Variants in KIF6 observed in about 807,000 individuals in gnomAD.
KIF6 encodes the protein kinesin family member 6, also known as kinesin-like protein KIF6.
In KIF6, 106 loss-of-function variants were observed where a neutral mutation model predicts 112.7. That is an observed-to-expected ratio of 0.94 (90% CI 0.80 to 1.11). The LOEUF (loss-of-function observed/expected upper bound fraction) is 1.11, where lower values mean the gene tolerates loss of function less well. Ranked by LOEUF, KIF6 falls within the 50% of genes least tolerant of loss-of-function variation. The pLI is 0.00. For synonymous variants in KIF6, 339 were observed against 339.9 expected (o/e 1.00, Z 0.03); for missense variants, 929 against 964.0 (o/e 0.96, Z 0.48).
chr6:39,625,155 A>T (rs1784027103), intron 5 of KIF6, among the ~76,000 whole-genome samples: 1 of 152,156 alleles, frequency 6.6e-6, no homozygotes, highest in Non-Finnish European at 1.5e-5. Flanking sequence ...AGCCTCCAGA[A>T]CTGTGAGAAG....
chr6:39,365,220 T>G (rs901869611), intron 16 of KIF6, among the ~76,000 whole-genome samples: 5 of 152,202 alleles, frequency 3.3e-5, no homozygotes, highest in African/African-American at 1.2e-4. Context: ...ACCCCCCTTT[T>G]CCTTATGTCA....
intron 3 of KIF6, among the ~76,000 whole-genome samples, chr6:39,653,679 C>A (rs971462761): frequency 3.3e-5 from 5 of 152,118 alleles, no homozygotes; most frequent in African/African-American, 9.7e-5. Context: ...CTGCTGGAAG[C>A]CTCTTAAAAT....
Position 39,578,172 on chromosome 6 carries a change from A to T in KIF6, c.1078-13T>A. ...GGCGTTTAATCACCTACAAATGGCAAAGAGGCAGAGAAAATGTCAACTTCT... is the reference window on the plus strand; with the variant it reads ...GGCGTTTAATCACCTACAAATGGCATAGAGGCAGAGAAAATGTCAACTTCT... On this transcript the variant is annotated splice_polypyrimidine_tract_variant and intron_variant, in intron 9 of 22. Transcript: ENST00000287152. The T allele has an allele frequency of 1.3e-6, 2 of 1,553,624 alleles. No homozygotes were observed.
chr6:39,543,173 A>G (rs1778882182), intron 12 of KIF6, among the ~76,000 whole-genome samples: 1 of 152,198 alleles, frequency 6.6e-6, no homozygotes, highest in East Asian at 1.9e-4. Flanking sequence ...GAAGGGGATT[A>G]AGAAGTTGGT....
chr6:39,616,911 G>A (rs1438909968), intron 5 of KIF6, among the ~76,000 whole-genome samples: 1 of 152,082 alleles, frequency 6.6e-6, no homozygotes. Context: ...TTCCTTTCCT[G>A]GCCCTTTCTT....
intron 5 of KIF6, among the ~76,000 whole-genome samples, chr6:39,625,469 A>C (rs1476299684): frequency 1.3e-5 from 2 of 152,120 alleles, no homozygotes; most frequent in African/African-American, 4.8e-5. Flanking sequence ...AGTAGGACTT[A>C]ACATCACTGG....
intron 16 of KIF6, among the ~76,000 whole-genome samples, chr6:39,364,601 G>A (rs1353565905): frequency 1.3e-5 from 2 of 152,138 alleles, no homozygotes; most frequent in Non-Finnish European, 2.9e-5. Flanking sequence ...CTATATTTTT[G>A]TAGTAGGTGA....
chr6:39,537,896 C>G (rs1778540081), intron 13 of KIF6, among the ~76,000 whole-genome samples: 2 of 152,108 alleles, frequency 1.3e-5, no homozygotes, highest in Admixed American at 6.6e-5. Flanking sequence ...AGAACAGAGC[C>G]CTCAGAAATA....
chr6:39,417,833 A>C (rs1459385301), intron 15 of KIF6, among the ~76,000 whole-genome samples: 5 of 152,190 alleles, frequency 3.3e-5, no homozygotes, highest in Admixed American at 6.5e-5. Context: ...TGGTTTACAG[A>C]GTAAGATATT....
chr6:39,664,659 C>T (rs888815995), intron 3 of KIF6, among the ~76,000 whole-genome samples: 1 of 152,138 alleles, frequency 6.6e-6, no homozygotes, highest in Non-Finnish European at 1.5e-5. Flanking sequence ...ATATTTTTCT[C>T]TTCTCTAGCT....
intron 3 of KIF6, among the ~76,000 whole-genome samples, chr6:39,648,223 C>CA (rs1785278736): frequency 1.6e-5 from 1 of 61,718 alleles, no homozygotes; most frequent in Non-Finnish European, 3.1e-5. Flanking sequence ...GGGGGGCGGG[C>CA]GGGGGGGGGT....
chr6:39,487,471 G>A (rs371466710), intron 13 of KIF6, among the ~76,000 whole-genome samples: 58 of 152,284 alleles, frequency 3.8e-4, no homozygotes, highest in Non-Finnish European at 6.9e-4. Context: ...TTAGCTTTCC[G>A]GCTTGCTGTG....
intron 15 of KIF6, among the ~76,000 whole-genome samples, chr6:39,388,087 G>A (rs1416775335): frequency 6.6e-6 from 1 of 151,998 alleles, no homozygotes; most frequent in Non-Finnish European, 1.5e-5. Flanking sequence ...ACTGCTTCCT[G>A]GAAACTACCT....
chr6:39,500,118 C>T (rs770505297), intron 13 of KIF6, among the ~76,000 whole-genome samples: 7 of 152,204 alleles, frequency 4.6e-5, no homozygotes, highest in East Asian at 1.9e-4. Context: ...AAGGGCTTGG[C>T]GCTGTGCTGT....
At chr6:39,533,441 A>C (rs948071667) in intron 13 of KIF6, among the ~76,000 whole-genome samples, 16 of 152,198 alleles carry the variant, frequency 1.1e-4, no homozygotes, top group Non-Finnish European at 5.9e-5. Flanking sequence ...AACTGCAAGG[A>C]GGCAGCGAGG....
intron 13 of KIF6, among the ~76,000 whole-genome samples, chr6:39,480,035 C>T (rs567474228): frequency 1.6e-4 from 24 of 152,170 alleles, no homozygotes; most frequent in Non-Finnish European, 3.2e-4. Flanking sequence ...ATTTGGATGC[C>T]GTTTATTTCT....
chr6:39,635,525 T>C (rs1784580903), intron 4 of KIF6, among the ~76,000 whole-genome samples: 1 of 152,116 alleles, frequency 6.6e-6, no homozygotes, highest in Admixed American at 6.6e-5. Context: ...TGGACATTAA[T>C]AGTTCACTGC....
chr6:39,706,356 T>G (rs7749025), intron 3 of KIF6, among the ~76,000 whole-genome samples: 56,703 of 152,094 alleles, frequency 0.37, 10,818 homozygotes, highest in East Asian at 0.58. Flanking sequence ...CATTCTATAC[T>G]GGTTACATCA....
chr6:39,409,193 A>C (rs1007452117), intron 15 of KIF6, among the ~76,000 whole-genome samples: 4 of 152,120 alleles, frequency 2.6e-5, no homozygotes, highest in African/African-American at 9.7e-5. Flanking sequence ...GCTTAGATAC[A>C]CAGTCACTGG....
Sources: gnomAD v4.1 joint callset for allele counts (sites outside exome capture counted in the v4.1 genomes callset) on GRCh38, gnomAD v4.1.1 for gene constraint, MANE v1.5 for transcripts, NCBI Gene and HGNC (gene_info 2026-07-23, HGNC 2026-07-21) for gene names.